Variants in GTF2H2 observed in about 807,000 individuals in gnomAD.
GTF2H2 encodes the protein general transcription factor IIH subunit 2, also known as TFIIH basal transcription factor complex p44 subunit.
GTF2H2 carries 2 observed loss-of-function variants against 16.5 expected under a neutral mutation model. That is an observed-to-expected ratio of 0.12 (90% CI 0.05 to 0.38). The LOEUF is 0.38. GTF2H2 is among the 10% of genes least tolerant of loss of function. The probability of loss-of-function intolerance (pLI) is 0.99; values close to 1 mark genes in which losing one functional copy is unlikely to be tolerated. For missense variants in GTF2H2, 20 were observed against 137.0 expected, an observed-to-expected ratio of 0.15 and a Z score of 4.26; for synonymous variants, 8 against 44.1, an observed-to-expected ratio of 0.18 and a Z score of 3.24.
intron 8 of GTF2H2, among the ~76,000 whole-genome samples, chr5:71,054,692 C>T (rs1370864164): frequency 8.0e-6 from 1 of 124,226 alleles, no homozygotes; most frequent in Non-Finnish European, 1.6e-5. Flanking sequence ...GACTCTGTCT[C>T]GAAAAAAAAT....
rs1205649704 is a variant in GTF2H2, at chr5:71,058,365, G to C, written c.364+1325C>G. ...GTGGTGCTGACCCTACTTCTATCCT[G>C]CTCTGGGCATCAGCAGGCAATCGAA... is the stretch of plus-strand genomic sequence containing the variant. On this transcript the variant is annotated intron_variant, in intron 7 of 15. Transcript: ENST00000274400. 4.8e-5 allele frequency: 6 copies of C among 126,212 alleles called. No homozygotes were observed. The Admixed American group carries it at 4.8e-4, about 10-fold the overall frequency. The allele number at this position is 126,212 out of a possible 1,614,324, so 7.8% of individuals were successfully genotyped here. A position where few individuals can be genotyped will look rare whatever the true frequency, so the allele number is the denominator to read the frequency against.
chr5:71,052,915 A>ATTGTTTTTT (rs1752867782), intron 8 of GTF2H2, among the ~76,000 whole-genome samples: 7 of 44,052 alleles, frequency 1.6e-4, no homozygotes, highest in Non-Finnish European at 1.5e-4. Flanking sequence ...TGCCTGGCTA[A>ATTGTTTTTT]TTTTTTTTTT....
chr5:71,037,921 G>A (rs1168845406), intron 14 of GTF2H2, among the ~76,000 whole-genome samples: 1 of 50,048 alleles, frequency 2.0e-5, no homozygotes, highest in Non-Finnish European at 3.6e-5. Flanking sequence ...GCAGTGAGCC[G>A]AGATGGTGTC....
At chr5:71,054,755 A>G (rs201756400) in intron 8 of GTF2H2, among the ~76,000 whole-genome samples, 2,667 of 107,740 alleles carry the variant, frequency 0.025, 96 homozygotes, top group East Asian at 0.053. Context: ...GTGTGTGTAT[A>G]TATATAATAG....
intron 7 of GTF2H2, among the ~76,000 whole-genome samples, chr5:71,056,516 CT>C (rs1213939984): frequency 2.8e-4 from 13 of 46,314 alleles, no homozygotes; most frequent in South Asian, 6.8e-4. Context: ...CTGCCAAATC[CT>C]TTTTTTTCTT....
At chr5:71,054,587 G>A (rs1224575327) in intron 8 of GTF2H2, among the ~76,000 whole-genome samples, 2 of 142,724 alleles carry the variant, frequency 1.4e-5, no homozygotes, top group African/African-American at 5.4e-5. Context: ...CCCAGCACTA[G>A]GGAGGCTGAG....
In GTF2H2 at chr5:71,054,340, A is replaced by C. The variant is rs1348465440; in HGVS notation, c.470+1012T>G. Among the ~76,000 whole-genome samples the C allele has an allele frequency of 2.1e-5, 3 of 145,800 alleles. 1 individual carries two copies. Among genetic ancestry groups the C allele is most frequent in the Non-Finnish European group, 3.0e-5 (2 of 66,496 alleles). On this transcript the variant is annotated intron_variant, in intron 8 of 15. Coordinates refer to ENST00000274400, the Ensembl canonical transcript of GTF2H2. Reference sequence around the variant, plus strand: ...AGACCCTGCTACTGTACTTACCTCTATTACATGTGTTGCCTCCTTCTCATC... The same window carrying C: ...AGACCCTGCTACTGTACTTACCTCTCTTACATGTGTTGCCTCCTTCTCATC...
intron 8 of GTF2H2, among the ~76,000 whole-genome samples, chr5:71,054,712 C>CATGT (rs1753046921): frequency 9.5e-6 from 1 of 105,274 alleles, no homozygotes; most frequent in Non-Finnish European, 1.9e-5. Context: ...TATATATATA[C>CATGT]GTGTGTGTGT....
rs79232687 is a variant in GTF2H2, at chr5:71,037,904, G to A, written c.1029-358C>T. ...GGAGAATCGCTTGAACCCAGGACAC[G>A]GAGGTTGCAGTGAGCCGAGATGGTG... On this transcript the variant is annotated intron_variant, in intron 14 of 15. Transcript: ENST00000274400. 3.4e-5 allele frequency among the ~76,000 whole-genome samples: 2 copies of A among 59,676 alleles called. 1 individual carries two copies. The highest frequency in any genetic ancestry group is 6.5e-5 in the Non-Finnish European group (2 of 30,882). 39.1% of individuals were successfully genotyped at this position (59,676 alleles called of 152,430 possible).
intron 8 of GTF2H2, among the ~76,000 whole-genome samples, chr5:71,053,766 A>G (rs542695451): frequency 6.2e-4 from 87 of 140,632 alleles, no homozygotes; most frequent in African/African-American, 2.1e-3. Flanking sequence ...TTATAACAAC[A>G]TGCCGGCATC....
rs761077337 is a variant in GTF2H2, at chr5:71,061,360, C to T, written c.135-52G>A. 11 of 1,409,784 alleles carry T rather than the reference C, an allele frequency of 7.8e-6. 1 individual carries two copies. The highest frequency in any genetic ancestry group is 2.1e-5 in the Admixed American group (1 of 47,494). 87.3% of individuals were successfully genotyped at this position (1,409,784 alleles called of 1,614,324 possible). A position where few individuals can be genotyped will look rare whatever the true frequency, so the allele number is the denominator to read the frequency against. The stretch of plus-strand genomic sequence containing the variant: ...TGTAATTCCATATACTATCCCCCCC[C>T]ACAAAAAAAATACAACTTTCCAATT... On this transcript the variant is annotated intron_variant, in intron 3 of 15. Transcript: ENST00000274400.
chr5:71,054,965 G>C (rs1753090610), intron 8 of GTF2H2: 1 of 148,884 alleles, frequency 6.7e-6, no homozygotes. Context: ...ACAGATATAT[G>C]ACATTGGTGC....
At chr5:71,052,915 A>ATTGTTTTTTTTTTTTTTT (rs1752867782) in intron 8 of GTF2H2, among the ~76,000 whole-genome samples, 1 of 44,052 alleles carries the variant, frequency 2.3e-5, no homozygotes, top group African/African-American at 1.2e-4. Context: ...TGCCTGGCTA[A>ATTGTTTTTTTTTTTTTTT]TTTTTTTTTT....
At position 71,055,548 on chromosome 5, in the gene GTF2H2, AC is replaced by A. The variant is rs758927121; in HGVS notation, c.365-92del. 6.4e-4 allele frequency: 663 copies of A among 1,032,074 alleles called. 32 individuals carry two copies. The highest frequency in any genetic ancestry group is 9.7e-4 in the Middle Eastern group (3 of 3,100). The allele number at this position is 1,032,074 out of a possible 1,614,324, so 63.9% of individuals were successfully genotyped here. On this transcript the variant is annotated intron_variant, in intron 7 of 15. Coordinates refer to ENST00000274400, the Ensembl canonical transcript of GTF2H2. ...ATTTACATATCTATGATGTTAAAGA[AC>A]AGAATCCTTTCAATGTATATTTCTG...
intron 1 of GTF2H2, among the ~76,000 whole-genome samples, chr5:71,064,352 G>GAAAAC (rs1299900469): frequency 1.3e-4 from 15 of 113,164 alleles, no homozygotes; most frequent in African/African-American, 4.5e-4. Context: ...AATAAAAGTT[G>GAAAAC]AAAACAAAAC....
At position 71,053,290 on chromosome 5, in the gene GTF2H2, T is replaced by G. The variant is rs530188224; in HGVS notation, c.470+2062A>C. Among the ~76,000 whole-genome samples the G allele has an allele frequency of 1.5e-3, 207 of 141,928 alleles. 14 individuals are homozygous for G. Among genetic ancestry groups the G allele is most frequent in the African/African-American group, 5.3e-3 (198 of 37,254 alleles). 93.1% of individuals were successfully genotyped at this position (141,928 alleles called of 152,430 possible). A position where few individuals can be genotyped will look rare whatever the true frequency, so the allele number is the denominator to read the frequency against. ...GGTTATTATTGGTGTAATTTGAATATTTTTGTGTCTTAGGAGATGGGGGGG... is the reference window on the plus strand; with the variant it reads ...GGTTATTATTGGTGTAATTTGAATAGTTTTGTGTCTTAGGAGATGGGGGGG... On this transcript the variant is annotated intron_variant, in intron 8 of 15. Coordinates refer to ENST00000274400, the Ensembl canonical transcript of GTF2H2.
At chr5:71,044,016 ATC>A (rs1399089337) in intron 12 of GTF2H2, among the ~76,000 whole-genome samples, 1 of 116,712 alleles carries the variant, frequency 8.6e-6, no homozygotes, top group East Asian at 2.6e-4. Flanking sequence ...AAATAGTTTA[ATC>A]TCTTCAAAAT....
At chr5:71,054,709 A>C (rs1445606826) in intron 8 of GTF2H2, among the ~76,000 whole-genome samples, 3 of 118,512 alleles carry the variant, frequency 2.5e-5, no homozygotes, top group East Asian at 4.6e-4. Context: ...AAATATATAT[A>C]TACGTGTGTG....
Position 71,047,993 on chromosome 5 carries a change from TA to T in GTF2H2, c.757+12del. ...CCTAGATATGTATTTTTTAAAAACA[TA>T]AAAACACTTACCCATACGAATAAGT... On this transcript the variant is annotated intron_variant, in intron 11 of 15. Coordinates refer to ENST00000274400, the Ensembl canonical transcript of GTF2H2. The T allele has an allele frequency of 3.7e-6, 3 of 819,262 alleles. No homozygotes were observed. The highest frequency in any genetic ancestry group is 2.7e-5 in the South Asian group (1 of 37,458). The allele number at this position is 819,262 out of a possible 1,614,324, so 50.7% of individuals were successfully genotyped here. A position where few individuals can be genotyped will look rare whatever the true frequency, so the allele number is the denominator to read the frequency against.
Sources: gnomAD v4.1 joint callset for allele counts (sites outside exome capture counted in the v4.1 genomes callset) on GRCh38, gnomAD v4.1.1 for gene constraint, MANE v1.5 for transcripts, NCBI Gene and HGNC (gene_info 2026-07-23, HGNC 2026-07-21) for gene names.